ZHX2: variants seen among roughly 807,000 people sequenced by gnomAD.
ZHX2 encodes zinc fingers and homeoboxes 2.
A neutral mutation model predicts 21.9 loss-of-function variants in ZHX2; 6 were observed. The observed-to-expected ratio is 0.27, with a 90% CI of 0.15 to 0.54. The LOEUF is 0.54. Among genes scored for constraint, ZHX2 ranks in the 20% least tolerant of loss-of-function variants. ZHX2 has a pLI of 0.95. For missense variants in ZHX2, 908 were observed against 1,090.7 expected, an observed-to-expected ratio of 0.83 and a Z score of 2.36; for synonymous variants, 434 against 437.1, an observed-to-expected ratio of 0.99 and a Z score of 0.09.
intron 2 of ZHX2, among the ~76,000 whole-genome samples, chr8:122,865,014 A>C (rs541948169): frequency 6.6e-6 from 1 of 152,176 alleles, no homozygotes; most frequent in African/African-American, 2.4e-5. Context: ...GACAGCCTGG[A>C]TGAGAATCGA....
intron 2 of ZHX2, among the ~76,000 whole-genome samples, chr8:122,940,753 A>G (rs1012930669): frequency 6.6e-6 from 1 of 152,224 alleles, no homozygotes; most frequent in African/African-American, 2.4e-5. Context: ...TAGACACAGT[A>G]TCAGGAAATA....
rs560046429 is a variant in ZHX2 at position 122,963,469 on chromosome 8, C to A, written c.*4+9441C>A. Reference sequence around the variant, plus strand: ...TTATATATATTTTCTCTATCCTGTTCCATTGGTCTATGTGCCTGTTTTTAT... The same window carrying A: ...TTATATATATTTTCTCTATCCTGTTACATTGGTCTATGTGCCTGTTTTTAT... On this transcript the variant is annotated intron_variant, in intron 3 of 3. Transcript: ENST00000314393. Among the ~76,000 whole-genome samples the A allele has an allele frequency of 5.3e-3, 808 of 152,192 alleles. 8 individuals carry two copies. The highest frequency in any genetic ancestry group is 5.6e-3 in the Non-Finnish European group (382 of 68,006).
At chr8:122,901,356 T>C (rs1820226016) in intron 2 of ZHX2, among the ~76,000 whole-genome samples, 1 of 152,198 alleles carries the variant, frequency 6.6e-6, no homozygotes, top group African/African-American at 2.4e-5. Context: ...AGATCCCTCC[T>C]ACTCTCCCCA....
upstream of ZHX2, chr8:122,781,071 A>G (rs185908143): frequency 6.6e-6 from 1 of 152,308 alleles, no homozygotes; most frequent in African/African-American, 2.4e-5. The surrounding 1 kb of genome is among the most constrained non-coding windows in gnomAD (Gnocchi z 4.6). Flanking sequence ...GTCTCGCTCA[A>G]CATAGTTTTA....
At chr8:122,819,566 C>A (rs2130632479) in intron 1 of ZHX2, among the ~76,000 whole-genome samples, 1 of 152,370 alleles carries the variant, frequency 6.6e-6, no homozygotes, top group East Asian at 1.9e-4. Context: ...TCTGCTTCCA[C>A]TGCAGTCAGT....
At chr8:122,860,892 G>A (rs945748059) in intron 1 of ZHX2, among the ~76,000 whole-genome samples, 5 of 151,962 alleles carry the variant, frequency 3.3e-5, no homozygotes, top group African/African-American at 1.2e-4. Context: ...AATTAGCCGG[G>A]CATGGCAGTG....
At chr8:122,962,902 T>A (rs983595199) in intron 3 of ZHX2, among the ~76,000 whole-genome samples, 4 of 152,200 alleles carry the variant, frequency 2.6e-5, no homozygotes, top group Admixed American at 2.0e-4. Context: ...TTTTCATGTT[T>A]TTTTTGGCCA....
rs890902004 is a variant in ZHX2, at chr8:122,912,829, C to A, written c.-219-38463C>A. ...TTGCTGTGGTAACCCTAGGAGCAAC[C>A]AAGAAGAGGTAGGAATTTAGATTTA... On this transcript the variant is annotated intron_variant, in intron 2 of 3. Transcript: ENST00000314393. 2.6e-5 allele frequency among the ~76,000 whole-genome samples: 4 copies of A among 151,966 alleles called. No individual in the cohort carries two copies. In the South Asian group the frequency reaches 8.3e-4, roughly 32 times the overall value.
intron 1 of ZHX2, among the ~76,000 whole-genome samples, chr8:122,858,540 T>C (rs1393730281): frequency 2.6e-5 from 4 of 151,966 alleles, no homozygotes; most frequent in Non-Finnish European, 5.9e-5. Context: ...GCAAAAGGAG[T>C]CCTGAGCCAG....
chr8:122,937,933 G>GGTTTT (rs766061609), intron 2 of ZHX2, among the ~76,000 whole-genome samples: 1 of 73,352 alleles, frequency 1.4e-5, no homozygotes, highest in Non-Finnish European at 2.3e-5. Context: ...TTTCTTTTTG[G>GGTTTT]TTTTTTTTTT....
At chr8:122,811,608 A>G (rs113348720) in intron 1 of ZHX2, among the ~76,000 whole-genome samples, 50 of 152,318 alleles carry the variant, frequency 3.3e-4, no homozygotes, top group African/African-American at 1.2e-3. Flanking sequence ...AGAAAGAGAA[A>G]TCCCATCTGT....
At position 122,784,167 on chromosome 8, in the gene ZHX2, C is replaced by T. The variant is rs144963754; in HGVS notation, c.-283+2221C>T. 7.2e-5 allele frequency among the ~76,000 whole-genome samples: 11 copies of T among 152,344 alleles called. No individual in the cohort carries two copies. The South Asian group carries it at 1.0e-3, about 14-fold the overall frequency. On this transcript the variant is annotated intron_variant, in intron 1 of 3. Coordinates refer to ENST00000314393, the MANE Select transcript of ZHX2 (RefSeq NM_014943.5). ...TGACATGCTGAAAGGTGGCCCCACC[C>T]GGCGTTTCTCATCCACATCAGGACC...
chr8:122,786,253 G>A (rs887897248), intron 1 of ZHX2, among the ~76,000 whole-genome samples: 10 of 152,116 alleles, frequency 6.6e-5, no homozygotes, highest in African/African-American at 1.9e-4. Context: ...GGTCTCCTGG[G>A]CCCTAGCTGC....
chr8:122,928,490 T>A (rs771405990), intron 2 of ZHX2, among the ~76,000 whole-genome samples: 1 of 151,970 alleles, frequency 6.6e-6, no homozygotes, highest in African/African-American at 2.4e-5. Context: ...TGAGTTGGGA[T>A]AGAATTCAAT....
intron 3 of ZHX2, among the ~76,000 whole-genome samples, chr8:122,956,785 G>A (rs1293410645): frequency 6.6e-6 from 1 of 152,190 alleles, no homozygotes; most frequent in Admixed American, 6.5e-5. Context: ...TGTATCCCAA[G>A]GTAAGCTCAG....
At chr8:122,889,824 G>A (rs116020977) in intron 2 of ZHX2, among the ~76,000 whole-genome samples, 15 of 152,228 alleles carry the variant, frequency 9.9e-5, no homozygotes, top group African/African-American at 3.4e-4. Flanking sequence ...GCAGATTTTG[G>A]TATAGATGAT....
chr8:122,919,086 G>A (rs1281592559), intron 2 of ZHX2, among the ~76,000 whole-genome samples: 1 of 152,056 alleles, frequency 6.6e-6, no homozygotes, highest in Non-Finnish European at 1.5e-5. Flanking sequence ...TGGCCTTTGA[G>A]GCTCAGCGGT....
rs547164982 is a variant in ZHX2 at position 122,918,240 on chromosome 8, C to T, written c.-219-33052C>T. ...TCCAAGTCAGAGACTGTGTCCCGAC[C>T]GCCTTTGTCATTCCAATCGTTCAAC... On this transcript the variant is annotated intron_variant, in intron 2 of 3. Coordinates refer to ENST00000314393, the MANE Select transcript of ZHX2 (RefSeq NM_014943.5). Among the ~76,000 whole-genome samples the T allele has an allele frequency of 1.1e-4, 17 of 152,336 alleles. No homozygotes were observed. The East Asian group carries it at 1.3e-3, about 12-fold the overall frequency.
intron 1 of ZHX2, among the ~76,000 whole-genome samples, chr8:122,845,786 C>T (rs1239346648): frequency 6.6e-6 from 1 of 152,186 alleles, no homozygotes; most frequent in Admixed American, 6.5e-5. Context: ...CGAGTTTCAG[C>T]CAAGTGGCAG....
Sources: allele counts gnomAD v4.1 joint callset (sites outside exome capture counted in the v4.1 genomes callset), GRCh38; gene constraint gnomAD v4.1.1; non-coding constraint Gnocchi (gnomAD v3.1); transcripts MANE v1.5; gene names NCBI Gene and HGNC (gene_info 2026-07-23, HGNC 2026-07-21).